MTSS1: variants seen among roughly 807,000 people sequenced by gnomAD.
MTSS1 encodes protein MTSS 1.
Under a neutral mutation model 79.0 loss-of-function variants are expected in MTSS1, and 18 were observed. The observed-to-expected ratio is 0.23, with a 90% CI of 0.16 to 0.34. The LOEUF (loss-of-function observed/expected upper bound fraction) is 0.34, where lower values mean the gene tolerates loss of function less well. Ranked by LOEUF, MTSS1 falls within the 10% of genes least tolerant of loss-of-function variation. MTSS1 has a pLI of 1.00. For synonymous variants in MTSS1, 341 were observed against 368.6 expected (o/e 0.93, Z 0.86); for missense variants, 815 against 986.2 (o/e 0.83, Z 2.33).
At chr8:124,652,938 C>A (rs1820268935) in intron 3 of MTSS1, among the ~76,000 whole-genome samples, 1 of 152,214 alleles carries the variant, frequency 6.6e-6, no homozygotes, top group African/African-American at 2.4e-5. Flanking sequence ...GTTATCATCA[C>A]CTCTGTGATC....
At chr8:124,580,671 A>G (rs1312739084) in intron 6 of MTSS1, 2 of 1,361,024 alleles carry the variant, frequency 1.5e-6, no homozygotes, top group Middle Eastern at 1.8e-4. Flanking sequence ...CCTTTGTTTC[A>G]TGTGTTAAAC....
chr8:124,561,728 C>T (rs1825373655), intron 10 of MTSS1, among the ~76,000 whole-genome samples: 1 of 152,160 alleles, frequency 6.6e-6, no homozygotes, highest in South Asian at 2.1e-4. Flanking sequence ...CTCCTCCCGA[C>T]CCTTTGCCCT....
chr8:124,637,087 C>T lies in MTSS1; in HGVS notation c.209-45852G>A, dbSNP rs577276797. 2.8e-4 allele frequency among the ~76,000 whole-genome samples: 42 copies of T among 152,204 alleles called. No homozygotes were observed. The South Asian group carries it at 8.7e-3, about 32-fold the overall frequency. ...TAGCATGATCACCCAGGGAGTTGGA[C>T]GTGTACCCTAAAAGATGAGGAAACG... is the stretch of plus-strand genomic sequence containing the variant. On this transcript the variant is annotated intron_variant, in intron 3 of 13. Transcript: ENST00000518547.
chr8:124,593,199 G>A (rs1378393424), intron 3 of MTSS1, among the ~76,000 whole-genome samples: 1 of 152,182 alleles, frequency 6.6e-6, no homozygotes, highest in Non-Finnish European at 1.5e-5. Context: ...GCAAAGACGA[G>A]GAACGTTTTA....
At chr8:124,587,167 G>C (rs1297317353) in intron 5 of MTSS1, among the ~76,000 whole-genome samples, 2 of 152,176 alleles carry the variant, frequency 1.3e-5, no homozygotes, top group Admixed American at 6.5e-5. Flanking sequence ...TGAGGGCAGG[G>C]GCCTGGCCGG....
intron 13 of MTSS1, among the ~76,000 whole-genome samples, chr8:124,554,061 C>T (rs1823058567): frequency 1.3e-5 from 2 of 152,230 alleles, no homozygotes; most frequent in African/African-American, 2.4e-5. Context: ...ACGTGAAGAT[C>T]AAACCTCAAA....
intron 3 of MTSS1, among the ~76,000 whole-genome samples, chr8:124,697,468 G>A (rs909154145): frequency 2.0e-5 from 3 of 152,090 alleles, no homozygotes; most frequent in African/African-American, 7.2e-5. Flanking sequence ...GCTGAGGCAG[G>A]AGAATTGCTT....
In MTSS1 at chr8:124,591,178, A is replaced by G. The variant is rs767138896; in HGVS notation, c.266T>C (p.Ile89Thr). 1.9e-6 allele frequency: 3 copies of G among 1,614,232 alleles called. No individual in the cohort carries two copies. Among genetic ancestry groups the G allele is most frequent in the Non-Finnish European group, 1.7e-6 (2 of 1,180,032 alleles). ...LTRMCMRHRS[I>T]EAKLRQFSSA... ...CGAAAACTGCCTCAGCTTGGCTTCAATGCTTCTGTGCCTCATGCACATCCT... is the reference window on the plus strand; with the variant it reads ...CGAAAACTGCCTCAGCTTGGCTTCAGTGCTTCTGTGCCTCATGCACATCCT... The change falls in exon 4 of 14, where the codon ATT (isoleucine) becomes ACT (threonine). Residue 89 changes from isoleucine (I) to threonine (T), a missense_variant. This residue lies in a region of MTSS1 where 225 missense variants were observed against 365.4 expected (regional missense o/e 0.62). Transcript: ENST00000518547.
chr8:124,603,676 C>T (rs1834310226), intron 3 of MTSS1, among the ~76,000 whole-genome samples: 1 of 152,178 alleles, frequency 6.6e-6, no homozygotes, highest in Non-Finnish European at 1.5e-5. Context: ...AATGGAGAAG[C>T]AACCAGTTTC....
At chr8:124,640,314 T>TA (rs1369709522) in intron 3 of MTSS1, among the ~76,000 whole-genome samples, 1 of 152,222 alleles carries the variant, frequency 6.6e-6, no homozygotes, top group East Asian at 1.9e-4. Flanking sequence ...AGGAAAGGAC[T>TA]AAAAAATTAT....
chr8:124,644,281 TC>T (rs879795725), intron 3 of MTSS1, among the ~76,000 whole-genome samples: 3 of 152,248 alleles, frequency 2.0e-5, no homozygotes, highest in Non-Finnish European at 4.4e-5. Context: ...ATCTCTGTCT[TC>T]TTTGATCTCA....
intron 1 of MTSS1, among the ~76,000 whole-genome samples, chr8:124,705,751 T>A (rs192850193): frequency 1.2e-4 from 19 of 152,358 alleles, no homozygotes; most frequent in Admixed American, 9.8e-4. Flanking sequence ...ACATCATTTT[T>A]TCTTACCCTT....
intron 6 of MTSS1, among the ~76,000 whole-genome samples, chr8:124,584,590 C>G (rs1358489807): frequency 1.3e-5 from 2 of 152,292 alleles, no homozygotes; most frequent in East Asian, 3.9e-4. Flanking sequence ...GGTAGATTAT[C>G]AAGCTCCTCC....
chr8:124,613,681 C>T (rs1301715692), intron 3 of MTSS1, among the ~76,000 whole-genome samples: 1 of 152,194 alleles, frequency 6.6e-6, no homozygotes, highest in Non-Finnish European at 1.5e-5. Context: ...TAAGAGAATG[C>T]TATTTCCATA....
At chr8:124,660,425 T>A (rs963747965) in intron 3 of MTSS1, among the ~76,000 whole-genome samples, 4 of 125,716 alleles carry the variant, frequency 3.2e-5, no homozygotes, top group Admixed American at 9.0e-5. Flanking sequence ...AAGTTGCCCA[T>A]GCGCATGCAC....
chr8:124,613,044 A>C (rs1836170241), intron 3 of MTSS1, among the ~76,000 whole-genome samples: 1 of 152,170 alleles, frequency 6.6e-6, no homozygotes, highest in Non-Finnish European at 1.5e-5. Flanking sequence ...TCCTGAAGGT[A>C]TGCATCTATA....
chr8:124,699,741 C>A, intron 2 of MTSS1, 142 bp from the exon 3 acceptor site: 1 of 707,438 alleles, frequency 1.4e-6, no homozygotes, highest in Non-Finnish European at 2.4e-6. Context: ...CAACCACTGT[C>A]TTGCTGAACC....
chr8:124,630,441 G>A (rs1815702254), intron 3 of MTSS1, among the ~76,000 whole-genome samples: 1 of 152,234 alleles, frequency 6.6e-6, no homozygotes, highest in Non-Finnish European at 1.5e-5. Context: ...GGAAGAAGAG[G>A]ATGAAAAAGG....
intron 3 of MTSS1, among the ~76,000 whole-genome samples, chr8:124,686,484 T>A (rs1019864950): frequency 2.0e-5 from 3 of 152,194 alleles, no homozygotes; most frequent in Non-Finnish European, 4.4e-5. Context: ...ATGCATGGAC[T>A]GTCGAATTCC....
Sources: allele counts gnomAD v4.1 joint callset (sites outside exome capture counted in the v4.1 genomes callset), GRCh38; gene constraint gnomAD v4.1.1; regional missense constraint gnomAD v4.1.1; transcripts MANE v1.5; gene names NCBI Gene and HGNC (gene_info 2026-07-23, HGNC 2026-07-21).